Variants in BTBD9 observed in about 807,000 individuals in gnomAD.
The protein encoded by BTBD9 is BTB/POZ domain-containing protein 9.
Under a neutral mutation model 64.3 loss-of-function variants are expected in BTBD9, and 49 were observed. The ratio of observed to expected loss-of-function variants is 0.76; its 90% CI spans 0.61 to 0.97. The LOEUF (loss-of-function observed/expected upper bound fraction) is 0.97, where lower values mean the gene tolerates loss of function less well. BTBD9 is among the 50% of genes least tolerant of loss of function. The pLI is 0.00. For synonymous variants in BTBD9, 260 were observed against 274.7 expected, an observed-to-expected ratio of 0.95 and a Z score of 0.53; for missense variants, 598 against 762.1, an observed-to-expected ratio of 0.78 and a Z score of 2.53.
chr6:38,221,019 C>T (rs1206052654), intron 9 of BTBD9, among the ~76,000 whole-genome samples: 1 of 152,194 alleles, frequency 6.6e-6, no homozygotes, highest in Non-Finnish European at 1.5e-5. Context: ...ACCAGGGTTA[C>T]GAGCAGATCT....
chr6:38,576,969 T>C (rs925717262), intron 6 of BTBD9, among the ~76,000 whole-genome samples: 1 of 152,060 alleles, frequency 6.6e-6, no homozygotes, highest in South Asian at 2.1e-4. Flanking sequence ...AAGACAACCA[T>C]ATCGAGGGCT....
rs543402527 is a variant in BTBD9 at position 38,173,492 on chromosome 6, G to A, written c.*1493C>T. On this transcript the variant is annotated 3_prime_UTR_variant, in exon 11 of 11. Coordinates refer to ENST00000481247, the MANE Select transcript of BTBD9 (RefSeq NM_001099272.2). ...GATGTCTGCCATCCTGTGTTCACACGGAAAGACAGTCTTCCAATTTAATCA... is the reference window on the plus strand; with the variant it reads ...GATGTCTGCCATCCTGTGTTCACACAGAAAGACAGTCTTCCAATTTAATCA... 2.6e-5 allele frequency: 4 copies of A among 152,360 alleles called. No individual in the cohort carries two copies. Among genetic ancestry groups the A allele is most frequent in the Admixed American group, 1.3e-4 (2 of 15,312 alleles). 9.4% of individuals were successfully genotyped at this position (152,360 alleles called of 1,614,324 possible).
intron 6 of BTBD9, among the ~76,000 whole-genome samples, chr6:38,519,026 A>C (rs1029451245): frequency 6.6e-6 from 1 of 152,248 alleles, no homozygotes; most frequent in Non-Finnish European, 1.5e-5. Context: ...AGATAAAACC[A>C]ATACATATGC....
At chr6:38,595,256 T>C (rs1474026896) in intron 2 of BTBD9, among the ~76,000 whole-genome samples, 3 of 152,216 alleles carry the variant, frequency 2.0e-5, no homozygotes, top group Non-Finnish European at 2.9e-5. Context: ...CACTTATTTC[T>C]GGGAAATGGT....
At chr6:38,322,578 G>T (rs975870019) in intron 7 of BTBD9, among the ~76,000 whole-genome samples, 2 of 152,136 alleles carry the variant, frequency 1.3e-5, no homozygotes, top group South Asian at 2.1e-4. Flanking sequence ...GTAGTAAAAA[G>T]GTACAGAGGG....
chr6:38,328,962 G>C (rs1449529564), intron 7 of BTBD9, among the ~76,000 whole-genome samples: 5 of 113,398 alleles, frequency 4.4e-5, no homozygotes, highest in African/African-American at 1.5e-4. Flanking sequence ...AAAAAAGAAA[G>C]AAAATATGTG....
chr6:38,388,272 T>A (rs1766268170), intron 6 of BTBD9, among the ~76,000 whole-genome samples: 1 of 152,074 alleles, frequency 6.6e-6, no homozygotes, highest in African/African-American at 2.4e-5. Context: ...GGTTCACAGT[T>A]TAACTGGCTG....
At chr6:38,286,908 C>G (rs536117239) in intron 8 of BTBD9, among the ~76,000 whole-genome samples, 3 of 151,404 alleles carry the variant, frequency 2.0e-5, no homozygotes, top group Admixed American at 2.0e-4. Flanking sequence ...ATGATGAAAC[C>G]CCATCTCTAC....
At chr6:38,459,564 G>T (rs568532294) in intron 6 of BTBD9, among the ~76,000 whole-genome samples, 1 of 152,352 alleles carries the variant, frequency 6.6e-6, no homozygotes, top group South Asian at 2.1e-4. Flanking sequence ...TAAGAGGATA[G>T]AGCCTCCATT....
At chr6:38,344,517 G>C (rs144373518) in intron 7 of BTBD9, among the ~76,000 whole-genome samples, 1 of 151,960 alleles carries the variant, frequency 6.6e-6, no homozygotes, top group Non-Finnish European at 1.5e-5. Context: ...AGGCTACTTC[G>C]GGCAAACATG....
At chr6:38,596,936 A>G (rs1001605638) in intron 2 of BTBD9, among the ~76,000 whole-genome samples, 1 of 152,232 alleles carries the variant, frequency 6.6e-6, no homozygotes, top group Non-Finnish European at 1.5e-5. Flanking sequence ...TGGCTAGACC[A>G]AGGTCGGATG....
intron 6 of BTBD9, among the ~76,000 whole-genome samples, chr6:38,445,573 G>T (rs1416063307): frequency 6.6e-6 from 1 of 152,134 alleles, no homozygotes; most frequent in Non-Finnish European, 1.5e-5. Flanking sequence ...CACATTCAAA[G>T]AATATGGGAG....
intron 7 of BTBD9, among the ~76,000 whole-genome samples, chr6:38,343,783 T>C (rs955669824): frequency 1.3e-5 from 2 of 152,182 alleles, no homozygotes; most frequent in African/African-American, 4.8e-5. Context: ...ACACTCTCTA[T>C]ATTGGAAAAT....
chr6:38,400,135 T>C (rs1051312077), intron 6 of BTBD9, among the ~76,000 whole-genome samples: 1 of 152,090 alleles, frequency 6.6e-6, no homozygotes, highest in African/African-American at 2.4e-5. Flanking sequence ...GTACCTGTGT[T>C]CCTGACCCCA....
chr6:38,633,696 C>G (rs1283757997), intron 1 of BTBD9, among the ~76,000 whole-genome samples: 1 of 152,106 alleles, frequency 6.6e-6, no homozygotes, highest in Non-Finnish European at 1.5e-5. Context: ...AGCCAGAGTA[C>G]CTAGTCTGTA....
At chr6:38,543,652 A>C (rs73412304) in intron 6 of BTBD9, among the ~76,000 whole-genome samples, 3,421 of 152,246 alleles carry the variant, frequency 0.022, 118 homozygotes, top group African/African-American at 0.078. Flanking sequence ...CGGTACTGAG[A>C]TCAAACAACC....
chr6:38,466,844 C>G (rs1340278448), intron 6 of BTBD9, among the ~76,000 whole-genome samples: 2 of 152,190 alleles, frequency 1.3e-5, no homozygotes, highest in Non-Finnish European at 2.9e-5. Context: ...TCCCGAAGTG[C>G]TGGGATTACA....
At chr6:38,328,966 ATATG>A (rs1163916091) in intron 7 of BTBD9, among the ~76,000 whole-genome samples, 12 of 93,030 alleles carry the variant, frequency 1.3e-4, no homozygotes, top group Non-Finnish European at 2.0e-4. Flanking sequence ...AAGAAAGAAA[ATATG>A]TGTGTGTGTG....
At position 38,303,874 on chromosome 6, in the gene BTBD9, T is replaced by TATATATAGAC. The variant is rs368257334; in HGVS notation, c.1265-15414_1265-15413insGTCTATATAT. Among the ~76,000 whole-genome samples, 84 of 82,642 alleles carry TATATATAGAC rather than the reference T, an allele frequency of 1.0e-3. 1 individual carries two copies. The highest frequency in any genetic ancestry group is 3.5e-3 in the Admixed American group (28 of 7,990). 54.2% of individuals were successfully genotyped at this position (82,642 alleles called of 152,430 possible). A position where few individuals can be genotyped will look rare whatever the true frequency, so the allele number is the denominator to read the frequency against. On this transcript the variant is annotated intron_variant, in intron 7 of 10. Coordinates refer to ENST00000481247, the MANE Select transcript of BTBD9 (RefSeq NM_001099272.2). ...ATATATATATATATATATATATATATACACACACACACATGTGTATATATA... is the reference window on the plus strand; with the variant it reads ...ATATATATATATATATATATATATATATATATAGACACACACACACACATGTGTATATATA...
Sources: gnomAD v4.1 joint callset for allele counts (sites outside exome capture counted in the v4.1 genomes callset) on GRCh38, gnomAD v4.1.1 for gene constraint, MANE v1.5 for transcripts, NCBI Gene and HGNC (gene_info 2026-07-23, HGNC 2026-07-21) for gene names.